The following CDH12 variants were observed in gnomAD, a reference collection of about 807,000 sequenced individuals.
CDH12 encodes cadherin-12.
CDH12 carries 41 observed loss-of-function variants against 74.1 expected under a neutral mutation model. The observed-to-expected ratio is 0.55, with a 90% confidence interval of 0.43 to 0.72. The LOEUF is 0.72. CDH12 is among the 30% of genes least tolerant of loss of function. The pLI, the probability that CDH12 is intolerant of heterozygous loss-of-function variation, is 0.00. For synonymous variants in CDH12, 399 were observed against 355.0 expected (o/e 1.12, Z -1.39); for missense variants, 945 against 977.2 (o/e 0.97, Z 0.44).
intron 6 of CDH12, among the ~76,000 whole-genome samples, chr5:21,858,438 A>G (rs1358713312): frequency 6.6e-6 from 1 of 151,960 alleles, no homozygotes; most frequent in East Asian, 1.9e-4. Flanking sequence ...ACACTAATAA[A>G]AAGTATAATG....
At chr5:22,555,557 A>C (rs902897457) in intron 1 of CDH12, among the ~76,000 whole-genome samples, 2 of 151,962 alleles carry the variant, frequency 1.3e-5, no homozygotes, top group African/African-American at 4.8e-5. Flanking sequence ...TCTTTGAAAA[A>C]TTTTTTAGAA....
intron 1 of CDH12, among the ~76,000 whole-genome samples, chr5:22,516,777 A>G (rs1244534747): frequency 6.6e-6 from 1 of 152,198 alleles, no homozygotes; most frequent in African/African-American, 2.4e-5. Context: ...CCTGAGGGAC[A>G]GAGCGAGACC....
rs184672991 is a variant in CDH12 at position 22,752,745 on chromosome 5, G to T, written c.-523+100313C>A. ...CGCCACTACGCCCGGCTAATTTTTT[G>T]TATTTTTTTACTAGAGACGGGGTTT... On this transcript the variant is annotated intron_variant, in intron 1 of 14. Transcript: ENST00000382254. Among the ~76,000 whole-genome samples, 406 of 147,792 alleles carry T rather than the reference G, an allele frequency of 2.7e-3. 1 individual carries two copies. Among genetic ancestry groups the T allele is most frequent in the African/African-American group, 9.7e-3 (384 of 39,702 alleles).
At chr5:22,312,187 T>C (rs1738423289) in intron 3 of CDH12, among the ~76,000 whole-genome samples, 1 of 152,002 alleles carries the variant, frequency 6.6e-6, no homozygotes, top group African/African-American at 2.4e-5. Flanking sequence ...AACAAAAATA[T>C]ACTAGATAAA....
intron 4 of CDH12, among the ~76,000 whole-genome samples, chr5:22,131,524 T>G (rs1019822789): frequency 2.0e-5 from 3 of 152,100 alleles, no homozygotes; most frequent in Non-Finnish European, 4.4e-5. Context: ...ATGGCAAAAT[T>G]TATTTCCTGA....
intron 1 of CDH12, among the ~76,000 whole-genome samples, chr5:22,846,839 T>G (rs1737325478): frequency 6.6e-6 from 1 of 152,138 alleles, no homozygotes; most frequent in South Asian, 2.1e-4. Context: ...ATATTTTCAT[T>G]TATACCTCTT....
chr5:22,091,201 A>G lies in CDH12; in HGVS notation c.-186-12339T>C, dbSNP rs868786068. ...TCCTAAAGTGTGTGTGTGTGTGTAT[A>G]TATATATATATATATATATAGCTTA... On this transcript the variant is annotated intron_variant, in intron 4 of 14. Coordinates refer to ENST00000382254, the MANE Select transcript of CDH12 (RefSeq NM_004061.5). Among the ~76,000 whole-genome samples, 1,202 of 132,568 alleles carry G rather than the reference A, an allele frequency of 9.1e-3. 15 individuals are homozygous for G. Among genetic ancestry groups the G allele is most frequent in the African/African-American group, 0.038 (1,114 of 29,502 alleles). 87.0% of individuals were successfully genotyped at this position (132,568 alleles called of 152,430 possible).
At chr5:22,308,907 GGAGA>G (rs1380028641) in intron 3 of CDH12, among the ~76,000 whole-genome samples, 971 of 30,910 alleles carry the variant, frequency 0.031, 11 homozygotes, top group African/African-American at 0.075. Context: ...AGGAGAGAGA[GGAGA>G]GAGAGAGAGG....
chr5:22,343,294 A>ACACACACACG (rs1739958009), intron 3 of CDH12, among the ~76,000 whole-genome samples: 1 of 132,466 alleles, frequency 7.5e-6, no homozygotes, highest in African/African-American at 3.0e-5. Context: ...ACACACACAC[A>ACACACACACG]CACACACACA....
intron 4 of CDH12, chr5:22,141,547 A>C (rs1161814751): frequency 2.0e-5 from 3 of 152,310 alleles, no homozygotes; most frequent in East Asian, 1.9e-4. Flanking sequence ...TTCTAAAGCC[A>C]GGCTGGCCAG....
In CDH12 at chr5:22,201,936, CAT is replaced by C. The variant is rs569312235; in HGVS notation, c.-187+10560_-187+10561del. Among the ~76,000 whole-genome samples the C allele has an allele frequency of 1.7e-3, 258 of 152,230 alleles. 1 individual carries two copies. The highest frequency in any genetic ancestry group is 6.2e-3 in the African/African-American group (256 of 41,532). ...TTAGAAGGCAGGATTGAAAGGACCA[CAT>C]GTTAATTGGATCTGTGGGAAGTCAG... On this transcript the variant is annotated intron_variant, in intron 4 of 14. Coordinates refer to ENST00000382254, the MANE Select transcript of CDH12 (RefSeq NM_004061.5).
intron 6 of CDH12, among the ~76,000 whole-genome samples, chr5:21,885,726 ATG>A (rs1175145456): frequency 6.6e-6 from 1 of 152,102 alleles, no homozygotes; most frequent in Non-Finnish European, 1.5e-5. Flanking sequence ...AGCTTTAATT[ATG>A]TTTCTTGTTT....
intron 8 of CDH12, among the ~76,000 whole-genome samples, chr5:21,827,222 A>G (rs1386582791): frequency 6.6e-6 from 1 of 152,168 alleles, no homozygotes; most frequent in Non-Finnish European, 1.5e-5. Flanking sequence ...AAATAGATAC[A>G]ATATTTGGTT....
In CDH12 at chr5:21,842,291, T is replaced by C. The variant is rs1310502090; in HGVS notation, c.684A>G (p.Glu228=). 1.2e-6 allele frequency: 2 copies of C among 1,612,488 alleles called. No individual in the cohort carries two copies. Among genetic ancestry groups the C allele is most frequent in the African/African-American group, 2.7e-5 (2 of 74,870 alleles). The change falls in exon 8 of 15, where the codon GAA becomes GAG. Residue 228 remains glutamate (E), a synonymous_variant. Transcript: ENST00000382254. The part of the protein sequence containing the change: ...IRTALPNMDR[E]VKEQYQVLIQ... ...TGAGTACTTGATATTGTTCTTTGACTTCTCTGTCCATGTTTGGCAAAGCTG... is the reference window on the plus strand; with the variant it reads ...TGAGTACTTGATATTGTTCTTTGACCTCTCTGTCCATGTTTGGCAAAGCTG...
At chr5:21,889,103 G>T (rs1001232394) in intron 6 of CDH12, among the ~76,000 whole-genome samples, 2 of 152,014 alleles carry the variant, frequency 1.3e-5, no homozygotes, top group Non-Finnish European at 2.9e-5. Flanking sequence ...TTTTAATCCA[G>T]AAAACGTAAG....
At chr5:22,710,498 T>C (rs1489096593) in intron 1 of CDH12, among the ~76,000 whole-genome samples, 1 of 152,192 alleles carries the variant, frequency 6.6e-6, no homozygotes, top group Non-Finnish European at 1.5e-5. Context: ...TTCTACCATG[T>C]GCAAATGAGT....
In CDH12 at chr5:22,117,091, G is replaced by A. The variant is rs147710257; in HGVS notation, c.-186-38229C>T. ...GCCAGCCTCTGCTTTACTGGAGTTC[G>A]TAAACTCACTCAAGTTAGGTAGCTT... On this transcript the variant is annotated intron_variant, in intron 4 of 14. Coordinates refer to ENST00000382254, the MANE Select transcript of CDH12 (RefSeq NM_004061.5). Among the ~76,000 whole-genome samples, 248 of 151,416 alleles carry A rather than the reference G, an allele frequency of 1.6e-3. 1 individual carries two copies. Among genetic ancestry groups the A allele is most frequent in the Admixed American group, 2.0e-3 (31 of 15,160 alleles).
chr5:21,864,598 T>G (rs1751229915), intron 6 of CDH12, among the ~76,000 whole-genome samples: 1 of 152,166 alleles, frequency 6.6e-6, no homozygotes, highest in African/African-American at 2.4e-5. Context: ...GGTATTCTAT[T>G]ACAGGAGCAC....
intron 1 of CDH12, among the ~76,000 whole-genome samples, chr5:22,617,358 C>G (rs374688145): frequency 2.0e-5 from 3 of 151,922 alleles, no homozygotes; most frequent in East Asian, 3.9e-4. Context: ...TTACAGTGAC[C>G]CAATCTATAA....
Sources: gnomAD v4.1 joint callset for allele counts (sites outside exome capture counted in the v4.1 genomes callset) on GRCh38, gnomAD v4.1.1 for gene constraint, MANE v1.5 for transcripts, NCBI Gene and HGNC (gene_info 2026-07-23, HGNC 2026-07-21) for gene names.